Variants in TRPA1 observed in about 807,000 individuals in gnomAD.
TRPA1 encodes the protein transient receptor potential cation channel subfamily A member 1, also known as ankyrin-like with transmembrane domains 1.
In TRPA1, 129 loss-of-function variants were observed where a neutral mutation model predicts 131.3. The observed-to-expected ratio is 0.98, with a 90% CI of 0.85 to 1.14. TRPA1 has a LOEUF of 1.14. Among genes scored for constraint, TRPA1 ranks in the 50% most tolerant of loss-of-function variants. The probability of loss-of-function intolerance (pLI) is 0.00; values close to 1 mark genes in which losing one functional copy is unlikely to be tolerated. For missense variants in TRPA1, 1,304 were observed against 1,354.2 expected, an observed-to-expected ratio of 0.96 and a Z score of 0.58; for synonymous variants, 441 against 451.7, an observed-to-expected ratio of 0.98 and a Z score of 0.30.
At chr8:72,056,552 A>G (rs1805672270) in intron 10 of TRPA1, among the ~76,000 whole-genome samples, 1 of 152,120 alleles carries the variant, frequency 6.6e-6, no homozygotes, top group Admixed American at 6.6e-5. Context: ...TTCTTAATTG[A>G]TGGTGGAGTA....
rs137930682 is a variant in TRPA1 at position 72,071,757 on chromosome 8, G to A, written c.222C>T (p.Gly74=). 1.3e-4 allele frequency: 209 copies of A among 1,613,628 alleles called. No homozygotes were observed. The African/African-American group carries it at 2.5e-3, about 19-fold the overall frequency. Residue 74 remains glycine (G), a synonymous_variant, in exon 2 of 27, where the codon GGC becomes GGT. Transcript: ENST00000262209. The part of the protein sequence containing the change: ...TFFLHYAAAE[G]QIELMEKITR... ...TGATCTTCTCCATTAGCTCAATTTG[G>A]CCTTCTGCTGCAGCATAATGCAAGA...
chr8:72,025,319 G>C, intron 25 of TRPA1, among the ~76,000 whole-genome samples: 1 of 151,946 alleles, frequency 6.6e-6, no homozygotes, highest in African/African-American at 2.4e-5. Context: ...TAATTGTTTG[G>C]TTGTTCCTCA....
At chr8:72,065,404 T>C in intron 4 of TRPA1, 47 bp downstream of exon 4, 1 of 1,387,680 alleles carries the variant, frequency 7.2e-7, no homozygotes, top group Non-Finnish European at 1.0e-6. Context: ...CCATGTTGTA[T>C]TCATGAAAAG....
At chr8:72,044,039 G>A (rs1380772315) in intron 17 of TRPA1, among the ~76,000 whole-genome samples, 1 of 151,632 alleles carries the variant, frequency 6.6e-6, no homozygotes, top group Non-Finnish European at 1.5e-5. Context: ...AATATTTCCA[G>A]GTTCACCATT....
At chr8:72,081,307 T>G in the TRPA1 span, among the ~76,000 whole-genome samples, 3 of 151,874 alleles carry the variant, frequency 2.0e-5, no homozygotes, top group Admixed American at 2.0e-4. Flanking sequence ...TTCCCAAATT[T>G]ATTTCTGTTG....
chr8:72,049,938 T>C (rs1027172879), intron 15 of TRPA1, among the ~76,000 whole-genome samples: 1 of 35,366 alleles, frequency 2.8e-5, no homozygotes, highest in Non-Finnish European at 5.6e-5. Flanking sequence ...TTTATTTTAT[T>C]TTTTTTTTTA....
the TRPA1 span, among the ~76,000 whole-genome samples, chr8:72,081,123 T>C: frequency 6.6e-6 from 1 of 151,968 alleles, no homozygotes; most frequent in Admixed American, 6.5e-5. Flanking sequence ...CATTCAGTTG[T>C]TGATTTTGGA....
intron 17 of TRPA1, among the ~76,000 whole-genome samples, chr8:72,040,337 C>A (rs1812210826): frequency 6.6e-6 from 1 of 152,100 alleles, no homozygotes; most frequent in Non-Finnish European, 1.5e-5. Context: ...CCAGGCCCTC[C>A]TTCCTCCATA....
Position 72,061,767 on chromosome 8 carries a change from A to C in TRPA1, c.808-6T>G, listed in dbSNP as rs745400685. The C allele has an allele frequency of 6.2e-7, 1 of 1,613,812 alleles. No individual in the cohort carries two copies. Among genetic ancestry groups the C allele is most frequent in the Admixed American group, 1.7e-5 (1 of 59,970 alleles). On this transcript the variant is annotated splice_region_variant and splice_polypyrimidine_tract_variant and intron_variant, in intron 6 of 26. Coordinates refer to ENST00000262209, the MANE Select transcript of TRPA1 (RefSeq NM_007332.3). ...ATGGCTGTGCACCTTCCCTTCTGTA[A>C]AGGGTTTTAATGCTAGAATCAATGT...
upstream of TRPA1, among the ~76,000 whole-genome samples, chr8:72,079,843 C>A (rs141129777): frequency 6.6e-6 from 1 of 151,946 alleles, no homozygotes; most frequent in African/African-American, 2.4e-5. Flanking sequence ...CTCAGCAGTG[C>A]TTTGTAGTTT....
chr8:72,058,906 G>A (rs1387046091), intron 8 of TRPA1, among the ~76,000 whole-genome samples: 1 of 152,078 alleles, frequency 6.6e-6, no homozygotes, highest in African/African-American at 2.4e-5. Context: ...GAGTGAAAAA[G>A]ATCTCATGCT....
In TRPA1 at chr8:72,071,847, T is replaced by A. The variant is rs139300498; in HGVS notation, c.132A>T (p.Ala44=). The A allele has an allele frequency of 6.8e-6, 11 of 1,611,928 alleles. No homozygotes were observed. Among genetic ancestry groups the A allele is most frequent in the African/African-American group, 1.3e-5 (1 of 74,874 alleles). ...ESLKVVFEGS[A]YGLQNFNKQK... ...GCTTATTAAAGTTTTGTAATCCATATGCACTTCCTTCAAAAACCACCTAGA... is the reference window on the plus strand; with the variant it reads ...GCTTATTAAAGTTTTGTAATCCATAAGCACTTCCTTCAAAAACCACCTAGA... Residue 44 remains alanine (A), a synonymous_variant, in exon 2 of 27, where the codon GCA becomes GCT. Transcript: ENST00000262209.
the TRPA1 span, among the ~76,000 whole-genome samples, chr8:72,087,160 T>G: frequency 6.6e-6 from 1 of 152,178 alleles, no homozygotes; most frequent in African/African-American, 2.4e-5. Context: ...TCTGTAAAAC[T>G]CCATGGTGTA....
Position 72,021,282 on chromosome 8 carries a change from C to T in TRPA1, c.*1624G>A, listed in dbSNP as rs1811380773. 1 of 152,140 alleles carries T rather than the reference C, an allele frequency of 6.6e-6. No homozygotes were observed. The highest frequency in any genetic ancestry group is 1.5e-5 in the Non-Finnish European group (1 of 68,032). The allele number at this position is 152,140 out of a possible 1,614,324, so 9.4% of individuals were successfully genotyped here. On this transcript the variant is annotated 3_prime_UTR_variant, in exon 27 of 27. Coordinates refer to ENST00000262209, the MANE Select transcript of TRPA1 (RefSeq NM_007332.3). ...ACAATCTGTTTATTTAAATATTTCG[C>T]ATGACAGGCATGGTACAGTGTTTCT... is the stretch of plus-strand genomic sequence containing the variant.
At chr8:72,079,792 A>C (rs1806255222), upstream of TRPA1, among the ~76,000 whole-genome samples, 1 of 151,940 alleles carries the variant, frequency 6.6e-6, no homozygotes, top group Non-Finnish European at 1.5e-5. Context: ...TGATCCATAA[A>C]CATGGTATAT....
chr8:72,087,464 C>G, the TRPA1 span, among the ~76,000 whole-genome samples: 2 of 152,112 alleles, frequency 1.3e-5, no homozygotes, highest in Non-Finnish European at 2.9e-5. Flanking sequence ...TCCATTTTCT[C>G]TGTCTGATTT....
chr8:72,072,464 C>T lies in TRPA1; in HGVS notation c.112-597G>A, dbSNP rs181408099. On this transcript the variant is annotated intron_variant, in intron 1 of 26. Transcript: ENST00000262209. ...TTTGTTATTACAGAATAGTACCTAA[C>T]AAGTCACTCTTCTATGGTAGTCTCT... Among the ~76,000 whole-genome samples the T allele has an allele frequency of 1.4e-3, 213 of 152,286 alleles. 1 individual carries two copies. Among genetic ancestry groups the T allele is most frequent in the Non-Finnish European group, 2.1e-3 (140 of 68,024 alleles).
At chr8:72,030,802 AG>A (rs1811786369) in intron 23 of TRPA1, among the ~76,000 whole-genome samples, 1 of 127,546 alleles carries the variant, frequency 7.8e-6, no homozygotes. Flanking sequence ...CATATACTAT[AG>A]GGGCAGGAGA....
intron 8 of TRPA1, 132 bp from the exon 9 acceptor site, chr8:72,057,948 G>A (rs1179351804): frequency 1.5e-6 from 1 of 674,378 alleles, no homozygotes; most frequent in Non-Finnish European, 2.6e-6. Flanking sequence ...CATACGACTA[G>A]TTATAGAATT....
Sources: gnomAD v4.1 joint callset for allele counts (sites outside exome capture counted in the v4.1 genomes callset) on GRCh38, gnomAD v4.1.1 for gene constraint, MANE v1.5 for transcripts, NCBI Gene and HGNC (gene_info 2026-07-23, HGNC 2026-07-21) for gene names.